The following ULK2 variants were observed in gnomAD, a reference collection of about 807,000 sequenced individuals.
The protein encoded by ULK2 is serine/threonine-protein kinase ULK2.
A neutral mutation model predicts 127.5 loss-of-function variants in ULK2; 76 were observed. That is an observed-to-expected ratio of 0.60 (90% CI 0.50 to 0.72). The LOEUF (loss-of-function observed/expected upper bound fraction) is 0.72, where lower values mean the gene tolerates loss of function less well. ULK2 is among the 30% of genes least tolerant of loss of function. ULK2 has a pLI of 0.00. For synonymous variants in ULK2, 452 were observed against 461.9 expected, an observed-to-expected ratio of 0.98 and a Z score of 0.28; for missense variants, 1,144 against 1,295.9, an observed-to-expected ratio of 0.88 and a Z score of 1.80.
At chr17:19,838,243 A>G (rs959756049) in intron 10 of ULK2, among the ~76,000 whole-genome samples, 1 of 149,852 alleles carries the variant, frequency 6.7e-6, no homozygotes, top group Non-Finnish European at 1.5e-5. Context: ...AATATAATAT[A>G]TAATTATGGT....
chr17:19,804,459 C>T (rs2087469051), intron 15 of ULK2, among the ~76,000 whole-genome samples: 1 of 151,712 alleles, frequency 6.6e-6, no homozygotes, highest in South Asian at 2.1e-4. Context: ...CACATGTATA[C>T]TTAACATATA....
intron 1 of ULK2, 117 bp downstream of exon 1, chr17:19,867,211 G>A (rs2042370816): frequency 1.4e-6 from 1 of 733,238 alleles, no homozygotes; most frequent in Non-Finnish European, 2.0e-6. Flanking sequence ...GCGCACAATA[G>A]CATACCCGGG....
In ULK2 at chr17:19,804,744, T is replaced by C. The variant is rs778245665; in HGVS notation, c.1244A>G (p.Gln415Arg). The C allele has an allele frequency of 2.5e-6, 4 of 1,611,248 alleles. No homozygotes were observed. The highest frequency in any genetic ancestry group is 1.7e-5 in the Admixed American group (1 of 59,842). The part of the protein sequence containing the change: ...TQIRNYQRIE[Q>R]NLTSTASSGT... ...TGAGCTGGCAGTAGATGTAAGATTC[T>C]GCTCTATGCGCTGATAATTCCTTAT... The change falls in exon 15 of 27, where the codon CAG becomes CGG. Residue 415 changes from glutamine to arginine, a missense_variant. By Grantham distance (43) the Gln-to-Arg change is conservative. Transcript: ENST00000395544.
At chr17:19,846,673 C>A in intron 6 of ULK2, 64 bp downstream of exon 6, 1 of 1,466,662 alleles carries the variant, frequency 6.8e-7, no homozygotes, top group Middle Eastern at 1.8e-4. Context: ...TTCAACAAAG[C>A]TAAAGTTGTC....
chr17:19,810,226 T>A lies in ULK2; in HGVS notation c.1157+152A>T, dbSNP rs1299802173. ...GTCTGGGTGACAGAGCCAGACTCCA[T>A]CTCAAAAAAAAAAAAAAAAAAAAAA... On this transcript the variant is annotated intron_variant, in intron 14 of 26. Transcript: ENST00000395544. 5.8e-5 allele frequency: 24 copies of A among 415,298 alleles called. No individual in the cohort carries two copies. In the African/African-American group the frequency reaches 8.6e-4, roughly 15 times the overall value. The allele number at this position is 415,298 out of a possible 1,614,324, so 25.7% of individuals were successfully genotyped here.
intron 20 of ULK2, among the ~76,000 whole-genome samples, chr17:19,791,281 G>A (rs916501700): frequency 5.3e-5 from 8 of 152,144 alleles, no homozygotes; most frequent in African/African-American, 1.9e-4. Context: ...CAGGTGTAGC[G>A]GCTCACACCT....
chr17:19,804,600 T>A, intron 15 of ULK2, 93 bp downstream of exon 15: 1 of 1,393,770 alleles, frequency 7.2e-7, no homozygotes, highest in Non-Finnish European at 9.6e-7. Flanking sequence ...TGTAAGACAC[T>A]ATGCCACAGA....
At chr17:19,864,729 T>G in intron 3 of ULK2, 74 bp downstream of exon 3, 1 of 552,950 alleles carries the variant, frequency 1.8e-6, no homozygotes, top group Non-Finnish European at 2.8e-6. Context: ...TTTATTTCTA[T>G]TAAGAGTCAC....
At chr17:19,792,259 A>G (rs2087172141) in intron 20 of ULK2, among the ~76,000 whole-genome samples, 1 of 152,224 alleles carries the variant, frequency 6.6e-6, no homozygotes, top group Non-Finnish European at 1.5e-5. Context: ...AACTAAGAAA[A>G]CAATACAAAA....
At chr17:19,843,765 TCTC>T (rs1276394511) in intron 7 of ULK2, among the ~76,000 whole-genome samples, 2 of 151,788 alleles carry the variant, frequency 1.3e-5, no homozygotes, top group Non-Finnish European at 2.9e-5. Flanking sequence ...TTCAAGTGAT[TCTC>T]CTGTCTCAGC....
At chr17:19,815,590 A>G (rs2040969343) in intron 13 of ULK2, among the ~76,000 whole-genome samples, 1 of 152,248 alleles carries the variant, frequency 6.6e-6, no homozygotes, top group Non-Finnish European at 1.5e-5. Context: ...AACTTATGGC[A>G]TTATATATAT....
At position 19,825,535 on chromosome 17, in the gene ULK2, C is replaced by A. The variant is rs569223738; in HGVS notation, c.836-353G>T. 7.9e-5 allele frequency among the ~76,000 whole-genome samples: 12 copies of A among 151,854 alleles called. No individual in the cohort carries two copies. In the South Asian group the frequency reaches 2.1e-3, roughly 26 times the overall value. The stretch of plus-strand genomic sequence containing the variant: ...GACCAGCCTGACCAACATGGTGAAA[C>A]CTCGTCTCTACTAAAAATACAAAAA... On this transcript the variant is annotated intron_variant, in intron 11 of 26. Coordinates refer to ENST00000395544, the MANE Select transcript of ULK2 (RefSeq NM_014683.4).
intron 20 of ULK2, among the ~76,000 whole-genome samples, chr17:19,789,975 C>T (rs998494782): frequency 5.4e-5 from 8 of 149,432 alleles, no homozygotes; most frequent in Admixed American, 1.3e-4. Flanking sequence ...AACAATGACC[C>T]GATCAAAAAT....
At position 19,841,488 on chromosome 17, in the gene ULK2, C is replaced by T. The variant is rs1479187051; in HGVS notation, c.704+1G>A. 1 of 1,592,444 alleles carries T rather than the reference C, an allele frequency of 6.3e-7. No individual in the cohort carries two copies. Among genetic ancestry groups the T allele is most frequent in the Non-Finnish European group, 8.5e-7 (1 of 1,173,940 alleles). ...AAACCCAGTGTAATCTAAACACATA[C>T]CTAGGCATTAAGCTCCTGTTTTTTT... On this transcript the variant is annotated splice_donor_variant, in intron 9 of 26. Transcript: ENST00000395544. LOFTEE classifies it high-confidence loss of function.
At position 19,813,753 on chromosome 17, in the gene ULK2, G is replaced by T. The variant is rs374814515; in HGVS notation, c.1096+2996C>A. On this transcript the variant is annotated intron_variant, in intron 13 of 26. Transcript: ENST00000395544. ...CTAGAAGAAAACAAAAGATGTGAAT[G>T]CTCTTTATATAGAAAAGTATAAAAA... Among the ~76,000 whole-genome samples, 8 of 152,224 alleles carry T rather than the reference G, an allele frequency of 5.3e-5. No individual in the cohort carries two copies. In the East Asian group the frequency reaches 1.4e-3, roughly 26 times the overall value.
intron 12 of ULK2, among the ~76,000 whole-genome samples, chr17:19,823,799 A>G (rs1057226205): frequency 9.9e-5 from 15 of 152,206 alleles, no homozygotes; most frequent in Admixed American, 3.3e-4. Flanking sequence ...AGAACATAAC[A>G]TAAGTCTTAT....
intron 13 of ULK2, among the ~76,000 whole-genome samples, chr17:19,815,122 T>C (rs1479324222): frequency 6.6e-6 from 1 of 152,134 alleles, no homozygotes; most frequent in African/African-American, 2.4e-5. Flanking sequence ...CCTGTAACTA[T>C]AAAAACACAA....
intron 3 of ULK2, among the ~76,000 whole-genome samples, chr17:19,860,251 G>T (rs561826799): frequency 4.5e-4 from 69 of 152,110 alleles, no homozygotes; most frequent in Non-Finnish European, 6.3e-4. Context: ...TATTACTTTT[G>T]GAATTAGTGG....
intron 12 of ULK2, among the ~76,000 whole-genome samples, chr17:19,822,988 A>ATT (rs35354990): frequency 1.0e-4 from 13 of 127,600 alleles, no homozygotes; most frequent in African/African-American, 2.6e-4. Flanking sequence ...ACCCAGCCGG[A>ATT]TTTTTTTTTT....
Sources: gnomAD v4.1 joint callset for allele counts (sites outside exome capture counted in the v4.1 genomes callset) on GRCh38, gnomAD v4.1.1 for gene constraint, MANE v1.5 for transcripts, NCBI Gene and HGNC (gene_info 2026-07-23, HGNC 2026-07-21) for gene names.